Variants in IQGAP1 observed in about 807,000 individuals in gnomAD.
The protein encoded by IQGAP1 is IQ motif containing GTPase activating protein 1.
A neutral mutation model predicts 215.6 loss-of-function variants in IQGAP1; 66 were observed. The ratio of observed to expected loss-of-function variants is 0.31; its 90% CI spans 0.25 to 0.38. IQGAP1 has a LOEUF of 0.38. Among genes scored for constraint, IQGAP1 ranks in the 10% least tolerant of loss-of-function variants. The probability of loss-of-function intolerance (pLI) is 1.00; values close to 1 mark genes in which losing one functional copy is unlikely to be tolerated. For synonymous variants in IQGAP1, 772 were observed against 728.7 expected (o/e 1.06, Z -0.96); for missense variants, 1,712 against 1,997.1 (o/e 0.86, Z 2.72).
chr15:90,473,437 C>G (rs910163988), intron 19 of IQGAP1: 7 of 438,940 alleles, frequency 1.6e-5, no homozygotes, highest in Non-Finnish European at 2.5e-5. Flanking sequence ...ATCTTCCTCA[C>G]CTGGTTTGTT....
intron 2 of IQGAP1, among the ~76,000 whole-genome samples, chr15:90,417,305 T>C (rs1965067521): frequency 6.6e-6 from 1 of 152,226 alleles, no homozygotes; most frequent in Non-Finnish European, 1.5e-5. Context: ...TGAATGGTAT[T>C]GCCTAGGTTT....
At position 90,473,720 on chromosome 15, in the gene IQGAP1, G is replaced by A. The variant is rs768168348; in HGVS notation, c.2355G>A (p.Gln785=). Residue 785 remains glutamine, a synonymous_variant, in exon 20 of 38, where the codon CAG becomes CAA. Transcript: ENST00000268182. ...QIPAITCIQS[Q]WRGYKQKKAY... ...GTAACATTTGACTGTTTCAGTCACA[G>A]TGGAGAGGATACAAGCAGAAGAAGG... 6 of 1,607,478 alleles carry A rather than the reference G, an allele frequency of 3.7e-6. No individual in the cohort carries two copies. In the East Asian group the frequency reaches 6.7e-5, roughly 18 times the overall value.
intron 1 of IQGAP1, 129 bp downstream of exon 1, chr15:90,388,525 G>C: frequency 1.3e-6 from 1 of 798,768 alleles, no homozygotes; most frequent in Non-Finnish European, 1.8e-6. Flanking sequence ...CGGAAGAGCC[G>C]TCCCGGTGGG....
At chr15:90,389,337 G>A (rs1250531459) in intron 1 of IQGAP1, among the ~76,000 whole-genome samples, 1 of 139,640 alleles carries the variant, frequency 7.2e-6, no homozygotes, top group Admixed American at 7.1e-5. Context: ...AGCACGGGAG[G>A]TGACTTTTTT....
Position 90,492,419 on chromosome 15 carries a change from T to TAAA in IQGAP1, c.4462-106_4462-104dup, listed in dbSNP as rs56724183. 2,285 of 369,802 alleles carry TAAA rather than the reference T, an allele frequency of 6.2e-3. 1 individual carries two copies. Among genetic ancestry groups the TAAA allele is most frequent in the Non-Finnish European group, 6.9e-3 (1,582 of 230,442 alleles). The allele number at this position is 369,802 out of a possible 1,614,324, so 22.9% of individuals were successfully genotyped here. On this transcript the variant is annotated intron_variant, in intron 34 of 37. Transcript: ENST00000268182. Reference sequence around the variant, plus strand: ...ACTCGAGCCTGGGCAACAGAGTGTCTAAAAAAAAAAAAAAAAAAAAAAGTA... The same window carrying TAAA: ...ACTCGAGCCTGGGCAACAGAGTGTCTAAAAAAAAAAAAAAAAAAAAAAAAAGTA...
intron 23 of IQGAP1, chr15:90,475,565 A>T (rs954524787): frequency 6.6e-6 from 1 of 151,490 alleles, no homozygotes; most frequent in Non-Finnish European, 1.5e-5. Context: ...AGCCAGGCCA[A>T]CATGGTGAAA....
rs76285758 is a variant in IQGAP1 at position 90,488,230 on chromosome 15, TAATAAATAAATA to T, written c.4248+671_4248+682del. Among the ~76,000 whole-genome samples, 1,157 of 147,684 alleles carry T rather than the reference TAATAAATAAATA, an allele frequency of 7.8e-3. 12 individuals are homozygous for T. Among genetic ancestry groups the T allele is most frequent in the African/African-American group, 0.027 (1,072 of 39,946 alleles). ...AGCGAGACTCCGTCTCAAAAAATAATAATAAATAAATAAATAAATAAATAAATAAATAAAATG... is the reference window on the plus strand; with the variant it reads ...AGCGAGACTCCGTCTCAAAAAATAATAATAAATAAATAAATAAATAAAATG... On this transcript the variant is annotated intron_variant, in intron 33 of 37. Transcript: ENST00000268182.
At chr15:90,472,725 A>T (rs1965922788) in intron 18 of IQGAP1, 115 bp from the exon 19 acceptor site, 1 of 951,788 alleles carries the variant, frequency 1.1e-6, no homozygotes, top group Admixed American at 2.3e-5. Flanking sequence ...CTAATGATCT[A>T]GTATAGACTT....
intron 6 of IQGAP1, among the ~76,000 whole-genome samples, chr15:90,439,964 A>G (rs917227203): frequency 6.6e-6 from 1 of 152,220 alleles, no homozygotes; most frequent in African/African-American, 2.4e-5. Context: ...CAAAGTGGTG[A>G]TTATTTTGTA....
At chr15:90,475,840 C>T (rs1332068243) in intron 23 of IQGAP1, 1 of 151,810 alleles carries the variant, frequency 6.6e-6, no homozygotes, top group Non-Finnish European at 1.5e-5. Context: ...TAAATGTCTT[C>T]CCCTAATTTC....
At chr15:90,452,030 G>C (rs550427252) in intron 11 of IQGAP1, among the ~76,000 whole-genome samples, 1 of 152,006 alleles carries the variant, frequency 6.6e-6, no homozygotes, top group Admixed American at 6.6e-5. Flanking sequence ...GGGTTTCACC[G>C]TGTTGACCAG....
At chr15:90,395,984 A>G (rs1371817463) in intron 2 of IQGAP1, among the ~76,000 whole-genome samples, 1 of 152,152 alleles carries the variant, frequency 6.6e-6, no homozygotes, top group Non-Finnish European at 1.5e-5. Context: ...AGCTCAAGGA[A>G]TAGGGCACAC....
chr15:90,482,730 A>G (rs900184224), intron 28 of IQGAP1: 1 of 997,874 alleles, frequency 1.0e-6, no homozygotes, highest in Non-Finnish European at 1.2e-6. Flanking sequence ...TGAGGCCTCG[A>G]TTCTAGACTT....
chr15:90,494,511 G>A (rs1387544860), intron 35 of IQGAP1: 1 of 350,000 alleles, frequency 2.9e-6, no homozygotes, highest in Non-Finnish European at 5.3e-6. Flanking sequence ...ACTAAAAATA[G>A]AAGCAATTTA....
At chr15:90,400,033 G>A (rs986997241) in intron 2 of IQGAP1, among the ~76,000 whole-genome samples, 1 of 150,758 alleles carries the variant, frequency 6.6e-6, no homozygotes, top group Admixed American at 6.6e-5. Context: ...TCCTTTTTTC[G>A]TGACTTGAAA....
chr15:90,425,636 T>C lies in IQGAP1; in HGVS notation c.156-474T>C, dbSNP rs1657186541. ...GCTGAAATAATTGAGTCTGTTTTGATAACCCCCAAGCAACCTTAAAACTTG... is the reference window on the plus strand; with the variant it reads ...GCTGAAATAATTGAGTCTGTTTTGACAACCCCCAAGCAACCTTAAAACTTG... On this transcript the variant is annotated intron_variant, in intron 2 of 37. Coordinates refer to ENST00000268182, the MANE Select transcript of IQGAP1 (RefSeq NM_003870.4). Among the ~76,000 whole-genome samples the C allele has an allele frequency of 2.0e-5, 3 of 152,358 alleles. No homozygotes were observed. In the South Asian group the frequency reaches 6.2e-4, roughly 32 times the overall value.
chr15:90,477,498 G>A (rs867905966), intron 25 of IQGAP1, among the ~76,000 whole-genome samples, 167 bp from the exon 26 acceptor site: 1 of 151,382 alleles, frequency 6.6e-6, no homozygotes, highest in Non-Finnish European at 1.5e-5. Context: ...TCTAGTAGCG[G>A]ACCCAATCAT....
intron 33 of IQGAP1, among the ~76,000 whole-genome samples, chr15:90,490,122 A>G (rs1966182818): frequency 6.6e-6 from 1 of 152,252 alleles, no homozygotes; most frequent in Non-Finnish European, 1.5e-5. Context: ...AGTTTGAACT[A>G]TGAGCCATCC....
chr15:90,393,329 A>T (rs560199563), intron 2 of IQGAP1, among the ~76,000 whole-genome samples: 1 of 152,338 alleles, frequency 6.6e-6, no homozygotes, highest in South Asian at 2.1e-4. Context: ...ACTTGAAAAC[A>T]TCTCTAGATT....
Sources: allele counts gnomAD v4.1 joint callset (sites outside exome capture counted in the v4.1 genomes callset), GRCh38; gene constraint gnomAD v4.1.1; transcripts MANE v1.5; gene names NCBI Gene and HGNC (gene_info 2026-07-23, HGNC 2026-07-21).